The following SYNPR variants were observed in gnomAD, a reference collection of about 807,000 sequenced individuals.
SYNPR encodes the protein synaptoporin.
Under a neutral mutation model 32.9 loss-of-function variants are expected in SYNPR, and 23 were observed. That is an observed-to-expected ratio of 0.70 (90% CI 0.50 to 0.99). SYNPR has a LOEUF of 0.99. Among genes scored for constraint, SYNPR ranks in the 50% least tolerant of loss-of-function variants. SYNPR has a pLI of 0.00. For synonymous variants in SYNPR, 146 were observed against 135.9 expected (o/e 1.07, Z -0.52); for missense variants, 318 against 349.3 (o/e 0.91, Z 0.71).
upstream of SYNPR, among the ~76,000 whole-genome samples, chr3:63,223,798 T>C (rs1371021165): frequency 6.6e-6 from 1 of 152,188 alleles, no homozygotes; most frequent in African/African-American, 2.4e-5. Context: ...TTTTCTACTT[T>C]CTATTGTGGT....
intron 1 of SYNPR, among the ~76,000 whole-genome samples, chr3:63,230,705 C>T (rs936412835): frequency 2.6e-5 from 4 of 152,146 alleles, no homozygotes; most frequent in Non-Finnish European, 5.9e-5. Context: ...AATGACCTCA[C>T]CTGAGCCTCA....
intron 3 of SYNPR, among the ~76,000 whole-genome samples, chr3:63,533,534 T>C (rs1009719894): frequency 1.3e-5 from 2 of 152,100 alleles, no homozygotes; most frequent in Non-Finnish European, 2.9e-5. Flanking sequence ...GTAACAGAAA[T>C]TACCTTGGGG....
intron 2 of SYNPR, among the ~76,000 whole-genome samples, chr3:63,321,801 T>C (rs1014050162): frequency 6.6e-6 from 1 of 151,968 alleles, no homozygotes; most frequent in Non-Finnish European, 1.5e-5. Context: ...TAAACACAAA[T>C]AAAATTCCCC....
intron 3 of SYNPR, among the ~76,000 whole-genome samples, chr3:63,498,415 G>A: frequency 6.6e-6 from 1 of 152,040 alleles, no homozygotes; most frequent in East Asian, 1.9e-4. Flanking sequence ...GAGGAAGGAA[G>A]GGAGAAAATA....
chr3:63,208,283 G>A, the SYNPR span, among the ~76,000 whole-genome samples: 1 of 152,148 alleles, frequency 6.6e-6, no homozygotes. Flanking sequence ...ACTGGAGTGA[G>A]GTTTAAATTG....
intron 4 of SYNPR, among the ~76,000 whole-genome samples, chr3:63,578,778 C>T (rs1440103520): frequency 1.3e-5 from 2 of 152,096 alleles, no homozygotes; most frequent in Admixed American, 6.6e-5. Context: ...AAATAGCCAT[C>T]CAAGAGCCTG....
chr3:63,563,981 A>G (rs1314597399), intron 4 of SYNPR, among the ~76,000 whole-genome samples: 2 of 64,418 alleles, frequency 3.1e-5, no homozygotes, highest in African/African-American at 5.0e-5. Context: ...ATGGAAAAAA[A>G]AAAAAAAAAG....
intron 4 of SYNPR, among the ~76,000 whole-genome samples, chr3:63,597,798 CATT>C (rs1699983257): frequency 6.6e-6 from 1 of 152,320 alleles, no homozygotes; most frequent in Admixed American, 6.5e-5. Context: ...AGTCAGTTGT[CATT>C]ATTATTAACA....
intron 2 of SYNPR, among the ~76,000 whole-genome samples, chr3:63,287,428 C>T (rs1489760759): frequency 6.6e-6 from 1 of 152,008 alleles, no homozygotes; most frequent in African/African-American, 2.4e-5. Flanking sequence ...TAAGGTCAGC[C>T]TTCTGACGGC....
intron 3 of SYNPR, among the ~76,000 whole-genome samples, chr3:63,526,723 A>T (rs1347097505): frequency 6.6e-5 from 10 of 152,216 alleles, no homozygotes; most frequent in Non-Finnish European, 1.3e-4. Context: ...GGGAATGATA[A>T]GTAAATGACT....
chr3:63,596,766 A>C (rs1699966900), intron 4 of SYNPR, among the ~76,000 whole-genome samples: 2 of 152,146 alleles, frequency 1.3e-5, no homozygotes, highest in African/African-American at 4.8e-5. Context: ...TACCAAAAGA[A>C]AGTGTGGCAT....
rs1403277863 is a variant in SYNPR at position 63,457,192 on chromosome 3, C to T, written c.85-23640C>T. Among the ~76,000 whole-genome samples the T allele has an allele frequency of 4.6e-5, 7 of 152,062 alleles. No homozygotes were observed. The East Asian group carries it at 7.7e-4, about 17-fold the overall frequency. On this transcript the variant is annotated intron_variant, in intron 2 of 5. Transcript: ENST00000478300. The stretch of plus-strand genomic sequence containing the variant: ...CTTAAAATCCTCTTGTTTTCCTTCT[C>T]GCAAGATAAGAATTAACTTCCTGAT...
chr3:63,542,454 A>C (rs1351367538), intron 3 of SYNPR, among the ~76,000 whole-genome samples: 3 of 152,116 alleles, frequency 2.0e-5, no homozygotes, highest in African/African-American at 7.2e-5. Context: ...ACTTCCCTTT[A>C]GGAATGAGAT....
At chr3:63,442,087 A>G (rs1031151676) in intron 2 of SYNPR, among the ~76,000 whole-genome samples, 1 of 152,028 alleles carries the variant, frequency 6.6e-6, no homozygotes, top group African/African-American at 2.4e-5. Context: ...CTATCCACCA[A>G]GTTGTTACTG....
upstream of SYNPR, among the ~76,000 whole-genome samples, chr3:63,227,738 C>T (rs1333787061): frequency 1.3e-5 from 2 of 152,146 alleles, no homozygotes; most frequent in East Asian, 1.9e-4. Context: ...CTGAGTCTGT[C>T]CTATTCTAAA....
chr3:63,386,203 G>T (rs1560212834), intron 2 of SYNPR, among the ~76,000 whole-genome samples: 1 of 152,186 alleles, frequency 6.6e-6, no homozygotes, highest in East Asian at 1.9e-4. Flanking sequence ...TTATTCTATA[G>T]AAAGGAAATG....
chr3:63,222,987 A>T, the SYNPR span, among the ~76,000 whole-genome samples: 3 of 152,160 alleles, frequency 2.0e-5, no homozygotes, highest in Non-Finnish European at 4.4e-5. Context: ...TCTGCTGTAG[A>T]TCAGGCACTC....
chr3:63,571,356 C>T (rs1702882421), intron 4 of SYNPR, among the ~76,000 whole-genome samples: 1 of 152,140 alleles, frequency 6.6e-6, no homozygotes, highest in Non-Finnish European at 1.5e-5. Flanking sequence ...TTACTTTTGC[C>T]TTTCTCTTTA....
the SYNPR span, among the ~76,000 whole-genome samples, chr3:63,210,196 A>G: frequency 2.8e-4 from 43 of 152,318 alleles, no homozygotes; most frequent in African/African-American, 1.0e-3. Flanking sequence ...CTTTACTTAT[A>G]TATCTTGGCC....
Sources: gnomAD v4.1 joint callset for allele counts (sites outside exome capture counted in the v4.1 genomes callset) on GRCh38, gnomAD v4.1.1 for gene constraint, MANE v1.5 for transcripts, NCBI Gene and HGNC (gene_info 2026-07-23, HGNC 2026-07-21) for gene names.